The following DLGAP2 variants were observed in gnomAD, a reference collection of about 807,000 sequenced individuals.
DLGAP2 encodes DLG associated protein 2.
A neutral mutation model predicts 100.3 loss-of-function variants in DLGAP2; 26 were observed. The ratio of observed to expected loss-of-function variants is 0.26; its 90% CI spans 0.19 to 0.36. The LOEUF is 0.36. Ranked by LOEUF, DLGAP2 falls within the 10% of genes least tolerant of loss-of-function variation. DLGAP2 has a pLI of 1.00. For missense variants in DLGAP2, 1,858 were observed against 1,453.2 expected, an observed-to-expected ratio of 1.28 and a Z score of -4.53; for synonymous variants, 886 against 630.1, an observed-to-expected ratio of 1.41 and a Z score of -6.08.
At chr8:1,271,050 C>G (rs1031380644) in intron 3 of DLGAP2, among the ~76,000 whole-genome samples, 4 of 152,206 alleles carry the variant, frequency 2.6e-5, no homozygotes, top group Middle Eastern at 3.4e-3. Flanking sequence ...TATTGCAATT[C>G]TCAAATTCTT....
rs1282725274 is a variant in DLGAP2 at position 1,430,027 on chromosome 8, T to TATATATATATATATATATAC, written c.107-71338_107-71337insTATATATATATATATATACA. ...ATATACATATATATATATATATATA[T>TATATATATATATATATATAC]ACACACACACACATATGAACTTAGA... is the stretch of plus-strand genomic sequence containing the variant. On this transcript the variant is annotated intron_variant, in intron 3 of 14. Transcript: ENST00000637795. Among the ~76,000 whole-genome samples, 274 of 76,818 alleles carry TATATATATATATATATATAC rather than the reference T, an allele frequency of 3.6e-3. 3 individuals carry two copies. The highest frequency in any genetic ancestry group is 5.6e-3 in the Non-Finnish European group (226 of 40,108). The allele number at this position is 76,818 out of a possible 152,430, so 50.4% of individuals were successfully genotyped here.
chr8:1,426,047 A>G (rs1797228796), intron 3 of DLGAP2, among the ~76,000 whole-genome samples: 1 of 152,216 alleles, frequency 6.6e-6, no homozygotes, highest in South Asian at 2.1e-4. Flanking sequence ...GAATGAGACC[A>G]AACTCTGAAC....
intron 1 of DLGAP2, among the ~76,000 whole-genome samples, chr8:816,872 T>G (rs1796490026): frequency 6.6e-6 from 1 of 152,236 alleles, no homozygotes. Context: ...GTTTGGACAT[T>G]TAACACAGTC....
intron 3 of DLGAP2, chr8:1,300,443 G>A (rs1800306994): frequency 2.0e-5 from 3 of 152,234 alleles, no homozygotes; most frequent in Admixed American, 2.0e-4. Flanking sequence ...ATAACAGGAG[G>A]TGAATGCCAT....
chr8:1,269,379 C>G (rs1352095596), intron 3 of DLGAP2, among the ~76,000 whole-genome samples: 1 of 152,204 alleles, frequency 6.6e-6, no homozygotes, highest in African/African-American at 2.4e-5. Context: ...CGGCGTGGCT[C>G]TGTGGCTTCA....
chr8:1,672,734 C>A (rs1348825389), intron 10 of DLGAP2, among the ~76,000 whole-genome samples: 1 of 152,114 alleles, frequency 6.6e-6, no homozygotes, highest in East Asian at 1.9e-4. Context: ...CATGGCTGCC[C>A]CAGAGCTCAA....
chr8:1,152,508 G>A (rs1283646189), intron 2 of DLGAP2, among the ~76,000 whole-genome samples: 1 of 152,174 alleles, frequency 6.6e-6, no homozygotes, highest in African/African-American at 2.4e-5. Flanking sequence ...GAAAATGTAT[G>A]TTCATTCCTC....
At chr8:1,364,775 C>CT (rs1802071542) in intron 3 of DLGAP2, among the ~76,000 whole-genome samples, 1 of 152,230 alleles carries the variant, frequency 6.6e-6, no homozygotes, top group African/African-American at 2.4e-5. Context: ...GAGAGGGCTT[C>CT]TCAGAGCTGG....
At chr8:1,298,314 C>A (rs1315009163) in intron 3 of DLGAP2, among the ~76,000 whole-genome samples, 2 of 152,202 alleles carry the variant, frequency 1.3e-5, no homozygotes, top group Non-Finnish European at 2.9e-5. Flanking sequence ...AATGCGTCCG[C>A]TTCCTGGTCT....
In DLGAP2 at chr8:1,568,156, C is replaced by G. The variant is rs535044014; in HGVS notation, c.1442+2262C>G. 1.8e-4 allele frequency among the ~76,000 whole-genome samples: 27 copies of G among 150,984 alleles called. No individual in the cohort carries two copies. In the South Asian group the frequency reaches 5.3e-3, roughly 30 times the overall value. ...CACAAATCCACTCTGCCCGTGGCCC[C>G]CATGCCACTGTCCACTCAGCAGACA... is the stretch of plus-strand genomic sequence containing the variant. On this transcript the variant is annotated intron_variant, in intron 6 of 14. Coordinates refer to ENST00000637795, the MANE Select transcript of DLGAP2 (RefSeq NM_001346810.2).
chr8:864,356 C>T (rs113306282), intron 1 of DLGAP2, among the ~76,000 whole-genome samples: 22 of 152,024 alleles, frequency 1.4e-4, no homozygotes, highest in Admixed American at 1.4e-3. Flanking sequence ...CGTAAAGAAA[C>T]GATGAAAGTA....
chr8:1,478,157 C>G (rs1436695715), intron 3 of DLGAP2, among the ~76,000 whole-genome samples: 2 of 152,202 alleles, frequency 1.3e-5, no homozygotes, highest in Admixed American at 1.3e-4. Flanking sequence ...ATCTGGGTGT[C>G]TGTCCACTCT....
rs1356525497 is a variant in DLGAP2 at position 1,164,127 on chromosome 8, C to A, written c.74-94724C>A. ...TTTTCTGTGAGCCCGCAGGGCCCGT[C>A]ATTTTGGTTTGTGGGGATTTTTCTG... On this transcript the variant is annotated intron_variant, in intron 2 of 14. Coordinates refer to ENST00000637795, the MANE Select transcript of DLGAP2 (RefSeq NM_001346810.2). Among the ~76,000 whole-genome samples, 23 of 94,270 alleles carry A rather than the reference C, an allele frequency of 2.4e-4. 5 individuals are homozygous for A. Among genetic ancestry groups the A allele is most frequent in the African/African-American group, 9.1e-4 (22 of 24,204 alleles). The allele number at this position is 94,270 out of a possible 152,430, so 61.8% of individuals were successfully genotyped here.
chr8:784,329 A>G (rs1563430686), intron 1 of DLGAP2, among the ~76,000 whole-genome samples: 1 of 152,254 alleles, frequency 6.6e-6, no homozygotes, highest in South Asian at 2.1e-4. Context: ...TGGCTTTTAT[A>G]TGCATACACA....
chr8:915,214 T>C (rs890453674), intron 2 of DLGAP2, among the ~76,000 whole-genome samples: 3 of 152,148 alleles, frequency 2.0e-5, no homozygotes, highest in Admixed American at 6.5e-5. Context: ...GCTGTGGTGC[T>C]GTGGCGTTGC....
intron 2 of DLGAP2, among the ~76,000 whole-genome samples, chr8:1,101,718 G>A (rs1054504484): frequency 1.3e-4 from 15 of 112,086 alleles, no homozygotes; most frequent in African/African-American, 3.1e-4. Flanking sequence ...CCCCGGAGCC[G>A]AACACGACAC....
intron 3 of DLGAP2, among the ~76,000 whole-genome samples, chr8:1,490,931 G>A (rs538340361): frequency 1.8e-4 from 27 of 150,418 alleles, no homozygotes; most frequent in Admixed American, 1.1e-3. Flanking sequence ...GCTAAATGAT[G>A]AGTTAATGGG....
intron 3 of DLGAP2, among the ~76,000 whole-genome samples, chr8:1,448,873 C>G (rs1002662696): frequency 1.3e-5 from 2 of 152,186 alleles, no homozygotes; most frequent in Non-Finnish European, 2.9e-5. Context: ...GATCCTGACC[C>G]ATAATAGCAT....
intron 2 of DLGAP2, among the ~76,000 whole-genome samples, chr8:1,252,292 TGTG>T (rs768952036): frequency 4.6e-5 from 7 of 150,640 alleles, no homozygotes; most frequent in African/African-American, 1.2e-4. Flanking sequence ...CTTGTCACAA[TGTG>T]GTGTTGTCAT....
Sources: gnomAD v4.1 joint callset for allele counts (sites outside exome capture counted in the v4.1 genomes callset) on GRCh38, gnomAD v4.1.1 for gene constraint, MANE v1.5 for transcripts, NCBI Gene and HGNC (gene_info 2026-07-23, HGNC 2026-07-21) for gene names.